Variants in OR8B8 observed in about 807,000 individuals in gnomAD.
The protein encoded by OR8B8 is olfactory receptor family 8 subfamily B member 8.
In OR8B8, 8 loss-of-function variants were observed where a neutral mutation model predicts 10.5. The observed-to-expected ratio is 0.76, with a 90% CI of 0.45 to 1.38. OR8B8 has a LOEUF of 1.38. Among genes scored for constraint, OR8B8 ranks in the 40% most tolerant of loss-of-function variants. The pLI, the probability that OR8B8 is intolerant of heterozygous loss-of-function variation, is 0.00. For synonymous variants in OR8B8, 150 were observed against 145.2 expected (o/e 1.03, Z -0.24); for missense variants, 390 against 380.5 (o/e 1.03, Z -0.21).
Position 124,440,397 on chromosome 11 carries a change from G to A in OR8B8, c.689C>T (p.Ser230Phe), listed in dbSNP as rs1423315807. ...LILSSIFHID[S>F]TEGRSKAFST... The stretch of plus-strand genomic sequence containing the variant: ...GAAGGCTTTGGACCTGCCCTCCGTG[G>A]AATCAATGTGGAAGATGCTGGAGAG... Residue 230 changes from serine (S) to phenylalanine (F), a missense_variant, in exon 3 of 3, where the codon TCC becomes TTC. Ser to Phe is a radical substitution (Grantham distance 155). Transcript: ENST00000642064. 6.2e-7 allele frequency: 1 copy of A among 1,614,192 alleles called. No individual in the cohort carries two copies. The highest frequency in any genetic ancestry group is 1.1e-5 in the South Asian group (1 of 91,072).
chr11:124,443,994 C>T (rs889562757), intron 1 of OR8B8, among the ~76,000 whole-genome samples: 3 of 152,214 alleles, frequency 2.0e-5, no homozygotes, highest in Non-Finnish European at 4.4e-5. Flanking sequence ...GTGGTTCATT[C>T]TTCTTAGTAC....
rs949393358 is a variant in OR8B8 at position 124,440,643 on chromosome 11, A to G, written c.443T>C (p.Val148Ala). 2 of 1,614,170 alleles carry G rather than the reference A, an allele frequency of 1.2e-6. No homozygotes were observed. Among genetic ancestry groups the G allele is most frequent in the Admixed American group, 1.7e-5 (1 of 60,020 alleles). Residue 148 changes from valine to alanine, a missense_variant, in exon 3 of 3, where the codon GTC becomes GCC. Physicochemically the swap from Val to Ala is moderately conservative, Grantham distance 64 (BLOSUM62 0). Transcript: ENST00000642064. ...GGCCCCAGCAAACCCCATCCCATAG[A>G]CACCCAACAAAAGGAGAAAACACAC... ...PQVCFLLLLG[V>A]YGMGFAGAMA...
chr11:124,438,494 AT>A lies in OR8B8; in HGVS notation c.*1655del, dbSNP rs1861427772. ...TCATTGTTTCACAAAGAAATCTACTATTTATAATCTTTTTAAACTGAAAAGC... is the reference window on the plus strand; with the variant it reads ...TCATTGTTTCACAAAGAAATCTACTATTATAATCTTTTTAAACTGAAAAGC... On this transcript the variant is annotated 3_prime_UTR_variant, in exon 3 of 3. Coordinates refer to ENST00000642064, the MANE Select transcript of OR8B8 (RefSeq NM_012378.2). The A allele has an allele frequency of 6.6e-6, 1 of 152,160 alleles. No individual in the cohort carries two copies. Among genetic ancestry groups the A allele is most frequent in the Admixed American group, 6.5e-5 (1 of 15,272 alleles). 9.4% of individuals were successfully genotyped at this position (152,160 alleles called of 1,614,324 possible).
At chr11:124,444,088 C>T (rs968888787) in intron 1 of OR8B8, among the ~76,000 whole-genome samples, 6 of 152,092 alleles carry the variant, frequency 3.9e-5, no homozygotes, top group African/African-American at 1.2e-4. Flanking sequence ...TCTATACTTC[C>T]CTGTTTTTCT....
chr11:124,439,335 C>T lies in OR8B8; in HGVS notation c.*815G>A, dbSNP rs949874765. On this transcript the variant is annotated 3_prime_UTR_variant, in exon 3 of 3. Coordinates refer to ENST00000642064, the MANE Select transcript of OR8B8 (RefSeq NM_012378.2). ...GCAACCTCCACCTCCTGGGTTCAAGCGATTTTCCTCCCTCAGTCTCCTGAG... is the reference window on the plus strand; with the variant it reads ...GCAACCTCCACCTCCTGGGTTCAAGTGATTTTCCTCCCTCAGTCTCCTGAG... 3 of 152,274 alleles carry T rather than the reference C, an allele frequency of 2.0e-5. No homozygotes were observed. The highest frequency in any genetic ancestry group is 4.8e-5 in the African/African-American group (2 of 41,442). 9.4% of individuals were successfully genotyped at this position (152,274 alleles called of 1,614,324 possible). A position where few individuals can be genotyped will look rare whatever the true frequency, so the allele number is the denominator to read the frequency against.
In OR8B8 at chr11:124,437,685, C is replaced by T. The variant is rs528357004; in HGVS notation, c.*2465G>A. ...GTGTGTGTGCGCGCGCGCGTGCGTG[C>T]GTGCTGGGATTACAGGCGTGAGCCA... On this transcript the variant is annotated 3_prime_UTR_variant, in exon 3 of 3. Transcript: ENST00000642064. 1.2e-3 allele frequency: 180 copies of T among 151,620 alleles called. No individual in the cohort carries two copies. The highest frequency in any genetic ancestry group is 1.8e-3 in the Non-Finnish European group (123 of 69,118). The allele number at this position is 151,620 out of a possible 1,614,324, so 9.4% of individuals were successfully genotyped here.
At chr11:124,442,556 G>A (rs771372851) in intron 1 of OR8B8, among the ~76,000 whole-genome samples, 4 of 149,282 alleles carry the variant, frequency 2.7e-5, no homozygotes, top group Non-Finnish European at 5.9e-5. Context: ...AATCAATCTC[G>A]ATTGGTTAAG....
Position 124,440,993 on chromosome 11 carries a change from A to G in OR8B8, c.93T>C (p.Phe31=), listed in dbSNP as rs748422145. The part of the protein sequence containing the change: ...PGVQIPLFFL[F]LGFYVVTVVG... ...CCACAGTGACCACGTAGAAGCCTAG[A>G]AACAGGAAGAAGAGGGGGATCTGGA... The change falls in exon 3 of 3, where the codon TTT becomes TTC. Residue 31 remains phenylalanine (F), a synonymous_variant. Coordinates refer to ENST00000642064, the MANE Select transcript of OR8B8 (RefSeq NM_012378.2). 9 of 1,614,046 alleles carry G rather than the reference A, an allele frequency of 5.6e-6. No individual in the cohort carries two copies. In the East Asian group the frequency reaches 2.0e-4, roughly 36 times the overall value.
chr11:124,443,051 T>C (rs1316357080), intron 1 of OR8B8, among the ~76,000 whole-genome samples: 2 of 152,292 alleles, frequency 1.3e-5, no homozygotes, highest in East Asian at 3.8e-4. Context: ...GGTTTCACCC[T>C]ATTGATCTGG....
At position 124,440,621 on chromosome 11, in the gene OR8B8, C is replaced by T; in HGVS notation, c.465G>A (p.Gly155=). 6.2e-7 allele frequency: 1 copy of T among 1,614,104 alleles called. No individual in the cohort carries two copies. Among genetic ancestry groups the T allele is most frequent in the South Asian group, 1.1e-5 (1 of 91,072 alleles). Residue 155 remains glycine (G), a synonymous_variant, in exon 3 of 3, where the codon GGG becomes GGA. Coordinates refer to ENST00000642064, the MANE Select transcript of OR8B8 (RefSeq NM_012378.2). The part of the protein sequence containing the change: ...LLGVYGMGFA[G]AMAHTACMMG... ...TCATGCACGCTGTGTGGGCCATGGC[C>T]CCAGCAAACCCCATCCCATAGACAC...
In OR8B8 at chr11:124,440,112, G is replaced by A. The variant is rs1299226265; in HGVS notation, c.*38C>T. 2.7e-6 allele frequency: 4 copies of A among 1,506,566 alleles called. No homozygotes were observed. In the African/African-American group the frequency reaches 4.2e-5, roughly 16 times the overall value. 93.3% of individuals were successfully genotyped at this position (1,506,566 alleles called of 1,614,324 possible). On this transcript the variant is annotated 3_prime_UTR_variant, in exon 3 of 3. Coordinates refer to ENST00000642064, the MANE Select transcript of OR8B8 (RefSeq NM_012378.2). Reference sequence around the variant, plus strand: ...ACCAGTGGAGTCCAAATCACTTATGGGAGAAACAGTGTTTCTTTCCTGAGC... The same window carrying A: ...ACCAGTGGAGTCCAAATCACTTATGAGAGAAACAGTGTTTCTTTCCTGAGC...
Position 124,441,104 on chromosome 11 carries a change from GT to G in OR8B8, c.-16-4del. Reference sequence around the variant, plus strand: ...CAGCCATTGTCATTTAAGGCATTCTGTGGGGACAAGGGAAAAAGTTATTTAG... The same window carrying G: ...CAGCCATTGTCATTTAAGGCATTCTGGGGGACAAGGGAAAAAGTTATTTAG... On this transcript the variant is annotated splice_polypyrimidine_tract_variant and splice_region_variant and intron_variant, in intron 2 of 2. Transcript: ENST00000642064. The G allele has an allele frequency of 6.3e-7, 1 of 1,588,214 alleles. No homozygotes were observed. The highest frequency in any genetic ancestry group is 8.6e-7 in the Non-Finnish European group (1 of 1,166,016).
chr11:124,440,717 A>G lies in OR8B8; in HGVS notation c.369T>C (p.Tyr123=), dbSNP rs754844429. The change falls in exon 3 of 3, where the codon TAT becomes TAC. Residue 123 remains tyrosine, a synonymous_variant. Transcript: ENST00000642064. ...ACAACAGTGGGTTACAGATGGCCAC[A>G]TAGCGGTCATACGCCATTGCTGACA... is the stretch of plus-strand genomic sequence containing the variant. ...FILSAMAYDR[Y]VAICNPLLYM... is the part of the protein sequence containing the mutation. The G allele has an allele frequency of 3.1e-6, 5 of 1,614,190 alleles. No homozygotes were observed. The Admixed American group carries it at 8.3e-5, about 27-fold the overall frequency.
At position 124,438,148 on chromosome 11, in the gene OR8B8, T is replaced by G. The variant is rs1565361248; in HGVS notation, c.*2002A>C. ...AAGAAATTGATGTTCAGAGACATCA[T>G]GTAATGCTAAAGGCAACACAGCTGA... On this transcript the variant is annotated 3_prime_UTR_variant, in exon 3 of 3. Coordinates refer to ENST00000642064, the MANE Select transcript of OR8B8 (RefSeq NM_012378.2). The G allele has an allele frequency of 6.6e-6, 1 of 152,216 alleles. No homozygotes were observed. The highest frequency in any genetic ancestry group is 1.5e-5 in the Non-Finnish European group (1 of 68,044). 9.4% of individuals were successfully genotyped at this position (152,216 alleles called of 1,614,324 possible).
rs1160094781 is a variant in OR8B8 at position 124,438,143 on chromosome 11, C to T, written c.*2007G>A. 6.6e-6 allele frequency: 1 copy of T among 152,084 alleles called. No homozygotes were observed. The highest frequency in any genetic ancestry group is 6.5e-5 in the Admixed American group (1 of 15,268). The allele number at this position is 152,084 out of a possible 1,614,324, so 9.4% of individuals were successfully genotyped here. A position where few individuals can be genotyped will look rare whatever the true frequency, so the allele number is the denominator to read the frequency against. On this transcript the variant is annotated 3_prime_UTR_variant, in exon 3 of 3. Coordinates refer to ENST00000642064, the MANE Select transcript of OR8B8 (RefSeq NM_012378.2). ...AGATGAAGAAATTGATGTTCAGAGA[C>T]ATCATGTAATGCTAAAGGCAACACA...
At chr11:124,443,328 A>G (rs1308410151) in intron 1 of OR8B8, among the ~76,000 whole-genome samples, 1 of 152,212 alleles carries the variant, frequency 6.6e-6, no homozygotes, top group Non-Finnish European at 1.5e-5. Context: ...CTTGAACGTC[A>G]TGACAGGAAT....
At position 124,439,967 on chromosome 11, in the gene OR8B8, A is replaced by C. The variant is rs1356053144; in HGVS notation, c.*183T>G. On this transcript the variant is annotated 3_prime_UTR_variant, in exon 3 of 3. Transcript: ENST00000642064. ...TCAGAAATAGCGGGGAACTGAGTGA[A>C]ATGATCCTCAAGACTTACTGTGTGA... 1.7e-6 allele frequency: 1 copy of C among 588,780 alleles called. No individual in the cohort carries two copies. Among genetic ancestry groups the C allele is most frequent in the African/African-American group, 1.9e-5 (1 of 53,848 alleles). The allele number at this position is 588,780 out of a possible 1,614,324, so 36.5% of individuals were successfully genotyped here. A position where few individuals can be genotyped will look rare whatever the true frequency, so the allele number is the denominator to read the frequency against.
Position 124,438,816 on chromosome 11 carries a change from G to A in OR8B8, c.*1334C>T, listed in dbSNP as rs1321101007. 6.6e-6 allele frequency: 1 copy of A among 152,240 alleles called. No individual in the cohort carries two copies. Among genetic ancestry groups the A allele is most frequent in the East Asian group, 1.9e-4 (1 of 5,198 alleles). 9.4% of individuals were successfully genotyped at this position (152,240 alleles called of 1,614,324 possible). On this transcript the variant is annotated 3_prime_UTR_variant, in exon 3 of 3. Coordinates refer to ENST00000642064, the MANE Select transcript of OR8B8 (RefSeq NM_012378.2). ...GGGAGGGGGCAGTTATTATAACCCAGTAAGAAATGAGGCATTCAGTTACTG... is the reference window on the plus strand; with the variant it reads ...GGGAGGGGGCAGTTATTATAACCCAATAAGAAATGAGGCATTCAGTTACTG...
intron 1 of OR8B8, among the ~76,000 whole-genome samples, chr11:124,443,741 G>C (rs1861499715): frequency 1.3e-5 from 2 of 152,118 alleles, no homozygotes; most frequent in African/African-American, 4.8e-5. Context: ...ATATTACTCA[G>C]CCTATCTTTT....
Sources: gnomAD v4.1 joint callset for allele counts (sites outside exome capture counted in the v4.1 genomes callset) on GRCh38, gnomAD v4.1.1 for gene constraint, MANE v1.5 for transcripts, NCBI Gene and HGNC (gene_info 2026-07-23, HGNC 2026-07-21) for gene names.